Variants in GLG1 observed in about 807,000 individuals in gnomAD.
GLG1 encodes Golgi apparatus protein 1.
A neutral mutation model predicts 160.5 loss-of-function variants in GLG1; 38 were observed. That is an observed-to-expected ratio of 0.24 (90% CI 0.18 to 0.31). The LOEUF is 0.31. Ranked by LOEUF, GLG1 falls within the 10% of genes least tolerant of loss-of-function variation. The probability of loss-of-function intolerance (pLI) is 1.00; values close to 1 mark genes in which losing one functional copy is unlikely to be tolerated. For missense variants in GLG1, 1,373 were observed against 1,505.2 expected (o/e 0.91, Z 1.45); for synonymous variants, 644 against 543.4 (o/e 1.19, Z -2.57).
At chr16:74,516,581 T>G (rs1291607475) in intron 2 of GLG1, among the ~76,000 whole-genome samples, 1 of 152,174 alleles carries the variant, frequency 6.6e-6, no homozygotes, top group Non-Finnish European at 1.5e-5. Context: ...TTTACAGCAC[T>G]AAATGCCCAC....
At chr16:74,528,794 A>G (rs1464061232) in intron 2 of GLG1, among the ~76,000 whole-genome samples, 2 of 125,704 alleles carry the variant, frequency 1.6e-5, no homozygotes, top group Non-Finnish European at 3.2e-5. Context: ...CCTCAGTGAC[A>G]GAGCGAGATT....
chr16:74,453,019 G>A lies in GLG1; in HGVS notation c.*148C>T, dbSNP rs995694733. ...GACACCATGGACACGAGTGGAGGCTGGATGGGACAACGCAGTGGACATCTG... is the reference window on the plus strand; with the variant it reads ...GACACCATGGACACGAGTGGAGGCTAGATGGGACAACGCAGTGGACATCTG... On this transcript the variant is annotated 3_prime_UTR_variant, in exon 26 of 26. Coordinates refer to ENST00000422840, the MANE Select transcript of GLG1 (RefSeq NM_001145667.2). The A allele has an allele frequency of 1.3e-4, 176 of 1,401,416 alleles. No individual in the cohort carries two copies. Among genetic ancestry groups the A allele is most frequent in the Non-Finnish European group, 1.2e-4 (132 of 1,075,756 alleles). The allele number at this position is 1,401,416 out of a possible 1,614,324, so 86.8% of individuals were successfully genotyped here. A position where few individuals can be genotyped will look rare whatever the true frequency, so the allele number is the denominator to read the frequency against.
intron 2 of GLG1, among the ~76,000 whole-genome samples, chr16:74,510,031 CTTTT>C (rs35929432): frequency 3.0e-5 from 4 of 134,618 alleles, no homozygotes; most frequent in Admixed American, 7.4e-5. Flanking sequence ...ATAAGGTCTA[CTTTT>C]TTTTTTTTTT....
intron 1 of GLG1, among the ~76,000 whole-genome samples, chr16:74,560,831 A>T (rs912082987): frequency 2.0e-5 from 3 of 152,194 alleles, no homozygotes; most frequent in African/African-American, 7.2e-5. Context: ...GAAAAAAAGA[A>T]GGGAGGAAGG....
At chr16:74,468,820 C>T in intron 17 of GLG1, 126 bp downstream of exon 17, 1 of 673,628 alleles carries the variant, frequency 1.5e-6, no homozygotes, top group Non-Finnish European at 2.7e-6. Context: ...AAAACTTTTG[C>T]ACAGGACTTC....
Position 74,544,782 on chromosome 16 carries a change from G to A in GLG1, c.439-12629C>T, listed in dbSNP as rs184025821. Among the ~76,000 whole-genome samples, 383 of 152,250 alleles carry A rather than the reference G, an allele frequency of 2.5e-3. 1 individual carries two copies. The highest frequency in any genetic ancestry group is 4.1e-3 in the Non-Finnish European group (279 of 68,022). ...CCCAAAGTGCAGGGATTACAGGTGT[G>A]AGCCACCGCGCCCGGCCATTATTTA... On this transcript the variant is annotated intron_variant, in intron 1 of 25. Coordinates refer to ENST00000422840, the MANE Select transcript of GLG1 (RefSeq NM_001145667.2).
chr16:74,529,865 G>A (rs1295570206), intron 2 of GLG1, among the ~76,000 whole-genome samples: 1 of 118,708 alleles, frequency 8.4e-6, no homozygotes, highest in Non-Finnish European at 1.6e-5. Context: ...CACCCAGACT[G>A]GAGGGCAGTG....
intron 1 of GLG1, among the ~76,000 whole-genome samples, chr16:74,605,967 G>A (rs1958555805): frequency 6.6e-6 from 1 of 152,048 alleles, no homozygotes; most frequent in African/African-American, 2.4e-5. Context: ...ACCAAGCAAC[G>A]ACAAATGTAG....
chr16:74,499,939 C>T (rs914736545), intron 4 of GLG1, among the ~76,000 whole-genome samples: 1 of 152,136 alleles, frequency 6.6e-6, no homozygotes. Context: ...GGAGGCGGAA[C>T]TTGCAGTGAG....
chr16:74,587,131 C>A (rs1455206022), intron 1 of GLG1, among the ~76,000 whole-genome samples: 5 of 152,190 alleles, frequency 3.3e-5, no homozygotes, highest in African/African-American at 9.6e-5. Flanking sequence ...CCCTTACTCC[C>A]ATTGTGAACG....
intron 2 of GLG1, among the ~76,000 whole-genome samples, chr16:74,519,504 C>T (rs1000135624): frequency 8.7e-5 from 13 of 150,092 alleles, no homozygotes; most frequent in Non-Finnish European, 7.4e-5. Flanking sequence ...AAGTATAGTA[C>T]ATACGATTAT....
rs545406080 is a variant in GLG1 at position 74,506,154 on chromosome 16, G to C, written c.559-2408C>G. On this transcript the variant is annotated intron_variant, in intron 3 of 25. Coordinates refer to ENST00000422840, the MANE Select transcript of GLG1 (RefSeq NM_001145667.2). ...AAAGTGAAAGGAGGAATAGATGCTT[G>C]AAAATCCCAGCACTTGTAATTCAAC... Among the ~76,000 whole-genome samples the C allele has an allele frequency of 1.1e-4, 15 of 138,062 alleles. No homozygotes were observed. In the East Asian group the frequency reaches 1.8e-3, roughly 16 times the overall value. The allele number at this position is 138,062 out of a possible 152,430, so 90.6% of individuals were successfully genotyped here.
intron 2 of GLG1, among the ~76,000 whole-genome samples, chr16:74,515,915 C>T (rs2016963330): frequency 3.0e-4 from 1 of 3,280 alleles, no homozygotes; most frequent in Non-Finnish European, 2.9e-3. Flanking sequence ...TCTGATAAAA[C>T]AGACTCTAAA....
intron 1 of GLG1, among the ~76,000 whole-genome samples, chr16:74,577,355 C>T (rs1865274284): frequency 6.6e-6 from 1 of 151,952 alleles, no homozygotes; most frequent in Non-Finnish European, 1.5e-5. Flanking sequence ...AACCCCATCT[C>T]TACTAAAAAT....
At position 74,451,098 on chromosome 16, in the gene GLG1, T is replaced by C. The variant is rs1450962709; in HGVS notation, c.*2069A>G. 1.3e-5 allele frequency: 2 copies of C among 152,252 alleles called. No individual in the cohort carries two copies. Among genetic ancestry groups the C allele is most frequent in the Non-Finnish European group, 2.9e-5 (2 of 68,098 alleles). The allele number at this position is 152,252 out of a possible 1,614,324, so 9.4% of individuals were successfully genotyped here. A position where few individuals can be genotyped will look rare whatever the true frequency, so the allele number is the denominator to read the frequency against. ...ACGTCCGTAGGCACCTCCATGTACA[T>C]GACATTCCTGGCTCTTGATATTAGG... On this transcript the variant is annotated 3_prime_UTR_variant, in exon 26 of 26. Coordinates refer to ENST00000422840, the MANE Select transcript of GLG1 (RefSeq NM_001145667.2).
intron 1 of GLG1, among the ~76,000 whole-genome samples, chr16:74,596,824 A>G (rs954985797): frequency 3.9e-5 from 6 of 152,198 alleles, no homozygotes; most frequent in Non-Finnish European, 5.9e-5. Flanking sequence ...TAAAAATAAT[A>G]GGATGTAATA....
intron 3 of GLG1, among the ~76,000 whole-genome samples, chr16:74,506,224 C>A (rs548322793): frequency 8.6e-5 from 13 of 151,684 alleles, no homozygotes; most frequent in Non-Finnish European, 1.5e-4. Context: ...GGCAGACACC[C>A]ACTTAATGAA....
chr16:74,589,842 C>G (rs890331578), intron 1 of GLG1, among the ~76,000 whole-genome samples: 13 of 152,146 alleles, frequency 8.5e-5, no homozygotes, highest in African/African-American at 3.1e-4. Flanking sequence ...GAGGCTGAGG[C>G]AGGAGAATTG....
chr16:74,462,363 C>G (rs1015431064), intron 21 of GLG1, 125 bp downstream of exon 21: 1 of 932,048 alleles, frequency 1.1e-6, no homozygotes, highest in African/African-American at 1.7e-5. Flanking sequence ...CTTAGCCCCC[C>G]AGGTTCGGGA....
Sources: allele counts gnomAD v4.1 joint callset (sites outside exome capture counted in the v4.1 genomes callset), GRCh38; gene constraint gnomAD v4.1.1; transcripts MANE v1.5; gene names NCBI Gene and HGNC (gene_info 2026-07-23, HGNC 2026-07-21).